AGBL4: variants seen among roughly 807,000 people sequenced by gnomAD.
AGBL4 encodes cytosolic carboxypeptidase 6.
AGBL4 carries 58 observed loss-of-function variants against 66.4 expected under a neutral mutation model. The ratio of observed to expected loss-of-function variants is 0.87; its 90% CI spans 0.71 to 1.09. AGBL4 has a LOEUF of 1.09. Among genes scored for constraint, AGBL4 ranks in the 50% least tolerant of loss-of-function variants. The pLI, the probability that AGBL4 is intolerant of heterozygous loss-of-function variation, is 0.00. For missense variants in AGBL4, 579 were observed against 631.0 expected, an observed-to-expected ratio of 0.92 and a Z score of 0.88; for synonymous variants, 234 against 222.9, an observed-to-expected ratio of 1.05 and a Z score of -0.44.
chr1:48,862,189 A>G (rs1647535643), intron 6 of AGBL4, among the ~76,000 whole-genome samples: 1 of 152,160 alleles, frequency 6.6e-6, no homozygotes, highest in African/African-American at 2.4e-5. Flanking sequence ...ACAAGCAGTC[A>G]CCAGCTCAAC....
intron 1 of AGBL4, among the ~76,000 whole-genome samples, chr1:50,001,721 G>A (rs1181683524): frequency 6.6e-6 from 1 of 152,152 alleles, no homozygotes; most frequent in Non-Finnish European, 1.5e-5. Flanking sequence ...CCAGCCAACA[G>A]TGAATGTGCT....
intron 11 of AGBL4, among the ~76,000 whole-genome samples, chr1:48,551,800 G>A (rs751823098): frequency 2.0e-5 from 3 of 151,918 alleles, no homozygotes; most frequent in South Asian, 4.1e-4. Flanking sequence ...TGGGAAAAAC[G>A]TTTCCCTGGA....
chr1:49,565,161 G>A (rs1053337499), intron 3 of AGBL4, among the ~76,000 whole-genome samples: 1 of 152,138 alleles, frequency 6.6e-6, no homozygotes, highest in Non-Finnish European at 1.5e-5. Flanking sequence ...TTGCTTGGTA[G>A]ATCTTCCTCC....
intron 9 of AGBL4, among the ~76,000 whole-genome samples, chr1:48,630,329 C>T (rs1291259186): frequency 2.0e-5 from 3 of 152,176 alleles, no homozygotes; most frequent in Non-Finnish European, 2.9e-5. Context: ...TAGAAGGGCT[C>T]ATTCCAGAAG....
intron 2 of AGBL4, among the ~76,000 whole-genome samples, chr1:49,699,559 T>C (rs76655817): frequency 0.015 from 2,310 of 152,122 alleles, 23 homozygotes; most frequent in Non-Finnish European, 0.023. Context: ...ATGTGTTATA[T>C]GTAAATGGAT....
rs970068564 is a variant in AGBL4 at position 49,707,712 on chromosome 1, A to G, written c.158-10275T>C. Reference sequence around the variant, plus strand: ...GTACCGGTTTTTCCTTCCCATATTTAGTGCTTCCTTCAGGAGCTCTTGTAT... The same window carrying G: ...GTACCGGTTTTTCCTTCCCATATTTGGTGCTTCCTTCAGGAGCTCTTGTAT... On this transcript the variant is annotated intron_variant, in intron 2 of 13. Transcript: ENST00000371839. Among the ~76,000 whole-genome samples, 5 of 152,044 alleles carry G rather than the reference A, an allele frequency of 3.3e-5. No individual in the cohort carries two copies. In the South Asian group the frequency reaches 1.0e-3, roughly 32 times the overall value.
chr1:49,474,823 C>T (rs1217023540), intron 3 of AGBL4, among the ~76,000 whole-genome samples: 2 of 151,990 alleles, frequency 1.3e-5, no homozygotes, highest in Non-Finnish European at 2.9e-5. Context: ...TTTGAAATAA[C>T]TGGAGTGTTG....
intron 3 of AGBL4, among the ~76,000 whole-genome samples, chr1:49,260,080 G>A (rs1570253570): frequency 6.7e-6 from 1 of 149,932 alleles, no homozygotes; most frequent in South Asian, 2.1e-4. Context: ...CAAAATGAAG[G>A]CAGAAATAAA....
intron 8 of AGBL4, among the ~76,000 whole-genome samples, chr1:48,649,090 T>C (rs1645884647): frequency 6.6e-6 from 1 of 152,194 alleles, no homozygotes; most frequent in Non-Finnish European, 1.5e-5. Context: ...ATTTGCCAGG[T>C]ACTGGGGATA....
intron 7 of AGBL4, 120 bp downstream of exon 7, chr1:48,663,032 G>A: frequency 2.3e-6 from 2 of 884,406 alleles, no homozygotes; most frequent in Non-Finnish European, 3.6e-6. Context: ...TCTCTTTAAA[G>A]AAATGCATTA....
At chr1:49,457,858 T>C (rs900414259) in intron 3 of AGBL4, among the ~76,000 whole-genome samples, 2 of 151,828 alleles carry the variant, frequency 1.3e-5, no homozygotes, top group African/African-American at 2.4e-5. Flanking sequence ...TTACCAAAGA[T>C]AAATTGACGG....
intron 2 of AGBL4, among the ~76,000 whole-genome samples, chr1:49,790,997 G>A (rs918613848): frequency 1.3e-5 from 2 of 152,090 alleles, no homozygotes; most frequent in Non-Finnish European, 2.9e-5. Flanking sequence ...TCCAAAGAAT[G>A]GGGCAGGACA....
chr1:49,423,448 T>C (rs1311196094), intron 3 of AGBL4, among the ~76,000 whole-genome samples: 2 of 152,128 alleles, frequency 1.3e-5, no homozygotes, highest in Admixed American at 6.5e-5. Context: ...AGAATACCCA[T>C]GAATTATGTG....
chr1:49,300,075 C>T (rs241469), intron 3 of AGBL4, among the ~76,000 whole-genome samples: 105,208 of 152,152 alleles, frequency 0.69, 37,229 homozygotes, highest in African/African-American at 0.81. Flanking sequence ...AACTTTCCTT[C>T]CTGTCTTTAC....
intron 3 of AGBL4, among the ~76,000 whole-genome samples, chr1:49,330,988 C>T (rs1645321851): frequency 6.6e-6 from 1 of 152,134 alleles, no homozygotes; most frequent in South Asian, 2.1e-4. Context: ...CCACTCCCAG[C>T]CAAGGGAAGC....
At chr1:49,877,667 G>A (rs1647061060) in intron 1 of AGBL4, among the ~76,000 whole-genome samples, 1 of 152,000 alleles carries the variant, frequency 6.6e-6, no homozygotes, top group Admixed American at 6.5e-5. Context: ...AATGATGCTG[G>A]CCTCATCAAA....
At chr1:49,723,747 C>T (rs1317340773) in intron 2 of AGBL4, among the ~76,000 whole-genome samples, 1 of 152,108 alleles carries the variant, frequency 6.6e-6, no homozygotes, top group African/African-American at 2.4e-5. Context: ...TGATTGAAAA[C>T]ACTAGCGATG....
intron 2 of AGBL4, among the ~76,000 whole-genome samples, chr1:49,840,760 T>A (rs1393420801): frequency 6.6e-6 from 1 of 152,174 alleles, no homozygotes; most frequent in African/African-American, 2.4e-5. Context: ...TATGACCATC[T>A]CAATAGAGAA....
intron 3 of AGBL4, among the ~76,000 whole-genome samples, chr1:49,615,492 T>C (rs1056426115): frequency 1.3e-5 from 2 of 152,140 alleles, no homozygotes; most frequent in Non-Finnish European, 2.9e-5. Flanking sequence ...TAAAGGATTA[T>C]ATAGAAATAT....
Sources: gnomAD v4.1 joint callset for allele counts (sites outside exome capture counted in the v4.1 genomes callset) on GRCh38, gnomAD v4.1.1 for gene constraint, MANE v1.5 for transcripts, NCBI Gene and HGNC (gene_info 2026-07-23, HGNC 2026-07-21) for gene names.